Variants in PHF24 observed in about 807,000 individuals in gnomAD.
PHF24 encodes PHD finger protein 24.
A neutral mutation model predicts 42.6 loss-of-function variants in PHF24; 25 were observed. That is an observed-to-expected ratio of 0.59 (90% CI 0.43 to 0.82). PHF24 has a LOEUF of 0.82. Among genes scored for constraint, PHF24 ranks in the 40% least tolerant of loss-of-function variants. The pLI, the probability that PHF24 is intolerant of heterozygous loss-of-function variation, is 0.00. For missense variants in PHF24, 470 were observed against 538.1 expected (o/e 0.87, Z 1.25); for synonymous variants, 185 against 204.8 (o/e 0.90, Z 0.83).
chr9:34,968,168 AC>A (rs1439424966), intron 1 of PHF24, among the ~76,000 whole-genome samples: 1 of 152,190 alleles, frequency 6.6e-6, no homozygotes, highest in East Asian at 1.9e-4. Flanking sequence ...TATCTTTCCC[AC>A]CAATAAATAT....
At chr9:34,764,993 C>T in the PHF24 span, among the ~76,000 whole-genome samples, 1 of 152,076 alleles carries the variant, frequency 6.6e-6, no homozygotes, top group African/African-American at 2.4e-5. Context: ...GTTCAGTTTC[C>T]ATGTAGTTGA....
chr9:34,874,573 G>A, the PHF24 span, among the ~76,000 whole-genome samples: 1 of 152,026 alleles, frequency 6.6e-6, no homozygotes, highest in African/African-American at 2.4e-5. Context: ...TATAGCATGA[G>A]TATATCACAA....
At chr9:34,867,240 C>T in the PHF24 span, among the ~76,000 whole-genome samples, 2 of 152,176 alleles carry the variant, frequency 1.3e-5, no homozygotes, top group South Asian at 2.1e-4. Context: ...AGAGGCACTC[C>T]CTGTTCTCTG....
the PHF24 span, among the ~76,000 whole-genome samples, chr9:34,809,728 G>A: frequency 6.6e-6 from 1 of 152,316 alleles, no homozygotes; most frequent in South Asian, 2.1e-4. This position sits in a 1 kb window ranked among gnomAD's most constrained non-coding sequence, Gnocchi z 4.1. Flanking sequence ...CCTCAGCCCT[G>A]CGCCCCCTCC....
chr9:34,949,417 A>G, the PHF24 span, among the ~76,000 whole-genome samples: 1 of 152,188 alleles, frequency 6.6e-6, no homozygotes, highest in Non-Finnish European at 1.5e-5. Context: ...AAATTAGTTC[A>G]GCCACTGTGG....
chr9:34,973,000 A>T (rs1271611281), intron 3 of PHF24, among the ~76,000 whole-genome samples: 1 of 150,722 alleles, frequency 6.6e-6, no homozygotes, highest in Non-Finnish European at 1.5e-5. Context: ...AGTACATTTT[A>T]GGCTGGCTAG....
the PHF24 span, among the ~76,000 whole-genome samples, chr9:34,746,959 G>T: frequency 6.6e-6 from 1 of 152,102 alleles, no homozygotes; most frequent in Admixed American, 6.5e-5. Flanking sequence ...GACACAAAAA[G>T]CACTAATCAT....
At chr9:34,900,626 A>T in the PHF24 span, among the ~76,000 whole-genome samples, 1 of 152,160 alleles carries the variant, frequency 6.6e-6, no homozygotes, top group East Asian at 1.9e-4. Context: ...GAAAATTTTA[A>T]TGTCTATAAA....
the PHF24 span, among the ~76,000 whole-genome samples, chr9:34,853,684 C>T: frequency 5.9e-5 from 9 of 151,930 alleles, no homozygotes; most frequent in East Asian, 1.2e-3. Context: ...AAAAATTAGC[C>T]GGGCGTAGTG....
At chr9:34,923,783 G>A in the PHF24 span, among the ~76,000 whole-genome samples, 1 of 151,686 alleles carries the variant, frequency 6.6e-6, no homozygotes, top group Admixed American at 6.6e-5. Flanking sequence ...TCATTTCATT[G>A]ATTTTTTATA....
At chr9:34,853,752 C>T in the PHF24 span, among the ~76,000 whole-genome samples, 3 of 146,476 alleles carry the variant, frequency 2.0e-5, no homozygotes, top group Non-Finnish European at 4.5e-5. Flanking sequence ...GGCGTGAACC[C>T]GGGAGGTGGA....
At chr9:34,798,266 A>C in the PHF24 span, among the ~76,000 whole-genome samples, 1 of 152,208 alleles carries the variant, frequency 6.6e-6, no homozygotes, top group Non-Finnish European at 1.5e-5. Flanking sequence ...TTGTTACAAG[A>C]GTACATTGTG....
the PHF24 span, among the ~76,000 whole-genome samples, chr9:34,831,955 A>G: frequency 3.9e-5 from 6 of 152,220 alleles, no homozygotes; most frequent in Non-Finnish European, 7.3e-5. Flanking sequence ...GATAAACACA[A>G]AAGCACCTCC....
chr9:34,667,045 T>A, the PHF24 span, among the ~76,000 whole-genome samples: 1 of 152,086 alleles, frequency 6.6e-6, no homozygotes, highest in African/African-American at 2.4e-5. Flanking sequence ...AATAGTGAGA[T>A]TCTTACTATA....
the PHF24 span, among the ~76,000 whole-genome samples, chr9:34,868,375 C>T: frequency 2.0e-5 from 3 of 152,176 alleles, no homozygotes; most frequent in South Asian, 2.1e-4. Flanking sequence ...AGAACTATCT[C>T]GATTCGTTTT....
At chr9:34,727,989 G>GT in the PHF24 span, 2 of 1,545,784 alleles carry the variant, frequency 1.3e-6, no homozygotes, top group Admixed American at 4.0e-5. Context: ...GGCCAGGCTG[G>GT]TTGTTGATAG....
In PHF24 at chr9:34,958,920, C is replaced by T. The variant is rs1210086954; in HGVS notation, c.-5+519C>T. Among the ~76,000 whole-genome samples the T allele has an allele frequency of 6.6e-6, 1 of 152,196 alleles. No individual in the cohort carries two copies. Among genetic ancestry groups the T allele is most frequent in the African/African-American group, 2.4e-5 (1 of 41,452 alleles). ...GATCCATGAGTGACTTCCCACGGCTCCAAGGACTTTGGCCTCCACCGGGAT... is the reference window on the plus strand; with the variant it reads ...GATCCATGAGTGACTTCCCACGGCTTCAAGGACTTTGGCCTCCACCGGGAT... On this transcript the variant is annotated intron_variant, in intron 1 of 7. Transcript: ENST00000242315. This position sits in a 1 kb window ranked among gnomAD's most constrained non-coding sequence, Gnocchi z 4.5.
chr9:34,886,480 A>T, the PHF24 span, among the ~76,000 whole-genome samples: 1 of 152,016 alleles, frequency 6.6e-6, no homozygotes, highest in East Asian at 1.9e-4. Context: ...ACAAGTCCGC[A>T]TCTTAATTGA....
At chr9:34,722,998 C>T in the PHF24 span, 1 of 552,740 alleles carries the variant, frequency 1.8e-6, no homozygotes, top group Non-Finnish European at 3.0e-6. Context: ...TTTAGCCTCC[C>T]TCACACCTTC....
Sources: gnomAD v4.1 joint callset for allele counts (sites outside exome capture counted in the v4.1 genomes callset) on GRCh38, gnomAD v4.1.1 for gene constraint, Gnocchi (gnomAD v3.1) non-coding constraint, MANE v1.5 for transcripts, NCBI Gene and HGNC (gene_info 2026-07-23, HGNC 2026-07-21) for gene names.